The following SFXN5 variants were observed in gnomAD, a reference collection of about 807,000 sequenced individuals.
SFXN5 encodes the protein sideroflexin 5.
A neutral mutation model predicts 50.2 loss-of-function variants in SFXN5; 43 were observed. The ratio of observed to expected loss-of-function variants is 0.86; its 90% CI spans 0.67 to 1.11. The LOEUF is 1.11. Among genes scored for constraint, SFXN5 ranks in the 50% least tolerant of loss-of-function variants. The pLI is 0.00. For missense variants in SFXN5, 463 were observed against 454.1 expected, an observed-to-expected ratio of 1.02 and a Z score of -0.18; for synonymous variants, 203 against 185.8, an observed-to-expected ratio of 1.09 and a Z score of -0.75.
chr2:72,977,124 G>C (rs1670711218), intron 10 of SFXN5, among the ~76,000 whole-genome samples: 1 of 152,156 alleles, frequency 6.6e-6, no homozygotes, highest in Admixed American at 6.5e-5. Flanking sequence ...AGAGCCTCTT[G>C]TCCTCTGGAC....
intron 3 of SFXN5, among the ~76,000 whole-genome samples, chr2:73,039,776 C>CTATTTTATTT (rs56382816): frequency 0.064 from 9,258 of 145,578 alleles, 339 homozygotes; most frequent in Middle Eastern, 0.13. Flanking sequence ...CTTACAAGCA[C>CTATTTTATTT]TATTTTATTT....
At position 72,998,812 on chromosome 2, in the gene SFXN5, C is replaced by G. The variant is rs1574073693; in HGVS notation, c.534+137G>C. Reference sequence around the variant, plus strand: ...CTCTTCTCGGCTTGGAAAGCCTGTCCTGACTCCTCCACCCACAGAAACCTG... The same window carrying G: ...CTCTTCTCGGCTTGGAAAGCCTGTCGTGACTCCTCCACCCACAGAAACCTG... On this transcript the variant is annotated intron_variant, in intron 9 of 13. Coordinates refer to ENST00000272433, the MANE Select transcript of SFXN5 (RefSeq NM_144579.3). The G allele has an allele frequency of 3.3e-6, 3 of 903,130 alleles. No individual in the cohort carries two copies. The East Asian group carries it at 8.0e-5, about 24-fold the overall frequency. 55.9% of individuals were successfully genotyped at this position (903,130 alleles called of 1,614,324 possible).
chr2:73,009,837 G>C (rs868080584), intron 6 of SFXN5, among the ~76,000 whole-genome samples: 1 of 148,616 alleles, frequency 6.7e-6, no homozygotes, highest in Middle Eastern at 3.2e-3. Flanking sequence ...TGATGGGCTT[G>C]TCTAGGGTAG....
intron 2 of SFXN5, chr2:73,044,746 C>G (rs1244764986): frequency 6.6e-6 from 1 of 152,514 alleles, no homozygotes; most frequent in African/African-American, 2.4e-5. Context: ...TTACCAAACA[C>G]TACTCCATCG....
intron 1 of SFXN5, 73 bp downstream of exon 1, chr2:73,071,531 G>A (rs1231984830): frequency 2.0e-5 from 29 of 1,426,526 alleles, no homozygotes; most frequent in Non-Finnish European, 2.8e-5. Flanking sequence ...TGGGCGGAAG[G>A]GGACTTTGGA....
At chr2:72,948,655 G>A (rs748332670) in intron 13 of SFXN5, among the ~76,000 whole-genome samples, 24 of 152,212 alleles carry the variant, frequency 1.6e-4, no homozygotes, top group African/African-American at 2.7e-4. Flanking sequence ...GGGGGAGACC[G>A]AGGCCTCCTC....
intron 12 of SFXN5, among the ~76,000 whole-genome samples, chr2:72,963,542 G>C (rs986017970): frequency 2.6e-5 from 4 of 152,076 alleles, no homozygotes; most frequent in Admixed American, 6.5e-5. Context: ...GGGGAAGGGA[G>C]GGGGGAGGAA....
intron 13 of SFXN5, among the ~76,000 whole-genome samples, chr2:72,951,775 C>T (rs147934281): frequency 1.4e-4 from 21 of 152,282 alleles, no homozygotes; most frequent in African/African-American, 5.1e-4. Flanking sequence ...CCACCACCTG[C>T]TCCTGGGCAG....
chr2:73,071,366 G>A (rs1310521901), intron 1 of SFXN5: 4 of 512,490 alleles, frequency 7.8e-6, no homozygotes, highest in East Asian at 7.1e-5. Context: ...GCTAGAGGGC[G>A]CGGGCAGTCG....
At chr2:72,975,988 C>T (rs574871641) in intron 10 of SFXN5, among the ~76,000 whole-genome samples, 1 of 152,280 alleles carries the variant, frequency 6.6e-6, no homozygotes, top group East Asian at 1.9e-4. Context: ...ACCTAAATGT[C>T]CACCATTAGG....
chr2:73,006,736 G>A (rs756596873), intron 6 of SFXN5, among the ~76,000 whole-genome samples: 1 of 152,214 alleles, frequency 6.6e-6, no homozygotes, highest in Non-Finnish European at 1.5e-5. Context: ...CATATGCGGA[G>A]TGACTATGCT....
At chr2:73,062,417 G>A (rs1305111214) in intron 1 of SFXN5, among the ~76,000 whole-genome samples, 1 of 152,166 alleles carries the variant, frequency 6.6e-6, no homozygotes, top group Non-Finnish European at 1.5e-5. Flanking sequence ...ATGAGCAGGG[G>A]AAGAGGAGAG....
intron 1 of SFXN5, among the ~76,000 whole-genome samples, chr2:73,061,307 C>CAAAA (rs58591052): frequency 1.4e-5 from 1 of 71,714 alleles, no homozygotes; most frequent in Non-Finnish European, 3.3e-5. Context: ...GACTCTGTCT[C>CAAAA]AAAAAAAAAA....
At position 72,961,217 on chromosome 2, in the gene SFXN5, G is replaced by A. The variant is rs752004436; in HGVS notation, c.859C>T (p.Leu287Phe). The A allele has an allele frequency of 3.2e-6, 5 of 1,541,726 alleles. No individual in the cohort carries two copies. The highest frequency in any genetic ancestry group is 3.7e-4 in the Middle Eastern group (2 of 5,442). The change falls in exon 13 of 14, where the codon CTC becomes TTC. Residue 287 changes from leucine (L) to phenylalanine (F), a missense_variant. Coordinates refer to ENST00000272433, the MANE Select transcript of SFXN5 (RefSeq NM_144579.3). The surrounding 1 kb of genome is among the most constrained non-coding windows in gnomAD (Gnocchi z 4.4). ...TALLQARPRL[L>F]LPVQSLVCLA... is the part of the protein sequence containing the mutation. ...CACACGAGGCTTTGCACAGGGAGGA[G>A]CAGCCGGGGGCGTGCCTGCAGGAGA... is the stretch of plus-strand genomic sequence containing the variant.
rs541203332 is a variant in SFXN5 at position 73,051,368 on chromosome 2, C to CT, written c.171+7159dup. On this transcript the variant is annotated intron_variant, in intron 2 of 13. Transcript: ENST00000272433. ...CTGCTTCCCGGGTTCAAGCAATTCT[C>CT]TGCCTCAGCCTCCCGAGTAGCTGGG... is the stretch of plus-strand genomic sequence containing the variant. Among the ~76,000 whole-genome samples the CT allele has an allele frequency of 2.6e-4, 38 of 148,274 alleles. 1 individual carries two copies. In the East Asian group the frequency reaches 7.6e-3, roughly 30 times the overall value.
In SFXN5 at chr2:72,944,951, C is replaced by T. The variant is rs1371408333; in HGVS notation, c.*71G>A. 1 of 1,447,844 alleles carries T rather than the reference C, an allele frequency of 6.9e-7. No homozygotes were observed. The highest frequency in any genetic ancestry group is 9.6e-7 in the Non-Finnish European group (1 of 1,045,702). 89.7% of individuals were successfully genotyped at this position (1,447,844 alleles called of 1,614,324 possible). ...GGCGTGCTGCTCCCTGCAGGTGCAG[C>T]CGTGAGTCTACGGCCCTGCCCCTCA... On this transcript the variant is annotated 3_prime_UTR_variant, in exon 14 of 14. Coordinates refer to ENST00000272433, the MANE Select transcript of SFXN5 (RefSeq NM_144579.3).
chr2:72,944,922 G>A lies in SFXN5; in HGVS notation c.*100C>T, dbSNP rs1292193604. The A allele has an allele frequency of 9.2e-7, 1 of 1,089,842 alleles. No individual in the cohort carries two copies. The allele number at this position is 1,089,842 out of a possible 1,614,324, so 67.5% of individuals were successfully genotyped here. ...CTCCCAGGGGGCCCAGGACTGCTGGGGTTGGCGTGCTGCTCCCTGCAGGTG... is the reference window on the plus strand; with the variant it reads ...CTCCCAGGGGGCCCAGGACTGCTGGAGTTGGCGTGCTGCTCCCTGCAGGTG... On this transcript the variant is annotated 3_prime_UTR_variant, in exon 14 of 14. Transcript: ENST00000272433.
At chr2:73,032,920 C>T (rs1678499463) in intron 3 of SFXN5, among the ~76,000 whole-genome samples, 1 of 152,144 alleles carries the variant, frequency 6.6e-6, no homozygotes, top group South Asian at 2.1e-4. Flanking sequence ...GTACCTATTG[C>T]AAGTCTATGT....
At chr2:72,952,465 G>A (rs917186590) in intron 13 of SFXN5, among the ~76,000 whole-genome samples, 3 of 152,180 alleles carry the variant, frequency 2.0e-5, no homozygotes, top group African/African-American at 7.2e-5. Context: ...GTATCCCTAT[G>A]CCTTGTGCAC....
Sources: gnomAD v4.1 joint callset for allele counts (sites outside exome capture counted in the v4.1 genomes callset) on GRCh38, gnomAD v4.1.1 for gene constraint, Gnocchi (gnomAD v3.1) non-coding constraint, MANE v1.5 for transcripts, NCBI Gene and HGNC (gene_info 2026-07-23, HGNC 2026-07-21) for gene names.